The following GUCY2C variants were observed in gnomAD, a reference collection of about 807,000 sequenced individuals.
GUCY2C encodes guanylyl cyclase C.
A neutral mutation model predicts 131.1 loss-of-function variants in GUCY2C; 118 were observed. The ratio of observed to expected loss-of-function variants is 0.90; its 90% CI spans 0.78 to 1.05. GUCY2C has a LOEUF of 1.05. Among genes scored for constraint, GUCY2C ranks in the 50% least tolerant of loss-of-function variants. The pLI is 0.00. For synonymous variants in GUCY2C, 452 were observed against 457.8 expected (o/e 0.99, Z 0.16); for missense variants, 1,161 against 1,304.4 (o/e 0.89, Z 1.69).
At chr12:14,614,697 C>T in intron 26 of GUCY2C, 170 bp downstream of exon 26, 1 of 552,782 alleles carries the variant, frequency 1.8e-6, no homozygotes, top group Non-Finnish European at 3.1e-6. Flanking sequence ...TCAGGATAAT[C>T]CCCTTCTTGC....
intron 20 of GUCY2C, among the ~76,000 whole-genome samples, chr12:14,626,347 A>G (rs1424539196): frequency 6.6e-6 from 1 of 152,118 alleles, no homozygotes; most frequent in Admixed American, 6.6e-5. Context: ...AAAAAGCCCA[A>G]CTTAACCTCA....
At chr12:14,637,314 C>CATGCTCAT (rs1326566405) in intron 19 of GUCY2C, among the ~76,000 whole-genome samples, 2 of 151,946 alleles carry the variant, frequency 1.3e-5, no homozygotes, top group African/African-American at 2.4e-5. Context: ...AATGATATCC[C>CATGCTCAT]ATGCTCATGG....
rs1024626855 is a variant in GUCY2C at position 14,645,465 on chromosome 12, T to C, written c.1711-150A>G. ...CATTGTCTGGGATTTCATGAACCTG[T>C]GTTTTTTCCTTTTCTGCATAAGAAG... On this transcript the variant is annotated intron_variant, in intron 15 of 26. Transcript: ENST00000261170. The C allele has an allele frequency of 5.2e-6, 3 of 573,706 alleles. No homozygotes were observed. In the African/African-American group the frequency reaches 5.7e-5, roughly 11 times the overall value. 35.5% of individuals were successfully genotyped at this position (573,706 alleles called of 1,614,324 possible).
intron 15 of GUCY2C, among the ~76,000 whole-genome samples, chr12:14,649,701 G>T (rs1477347127): frequency 6.6e-6 from 1 of 152,112 alleles, no homozygotes; most frequent in African/African-American, 2.4e-5. Flanking sequence ...AATTGATACT[G>T]ATAAAATAAA....
At chr12:14,615,626 GTGAT>G (rs1946745417) in intron 25 of GUCY2C, among the ~76,000 whole-genome samples, 3 of 145,784 alleles carry the variant, frequency 2.1e-5, no homozygotes, top group East Asian at 1.9e-4. Flanking sequence ...TTAAAAATGA[GTGAT>G]TGATATATAT....
intron 13 of GUCY2C, among the ~76,000 whole-genome samples, chr12:14,652,434 C>T (rs1466286257): frequency 6.6e-6 from 1 of 152,162 alleles, no homozygotes; most frequent in East Asian, 1.9e-4. Context: ...CTCAGCCTCC[C>T]AAAGTCCTGG....
chr12:14,689,784 A>G (rs1409471051), intron 1 of GUCY2C, among the ~76,000 whole-genome samples: 1 of 152,166 alleles, frequency 6.6e-6, no homozygotes, highest in Non-Finnish European at 1.5e-5. Flanking sequence ...GTTTGTTCTC[A>G]ATGAATCTTG....
chr12:14,632,925 C>A (rs1055805681), intron 19 of GUCY2C, among the ~76,000 whole-genome samples: 1 of 152,218 alleles, frequency 6.6e-6, no homozygotes, highest in Non-Finnish European at 1.5e-5. Flanking sequence ...GACCTGCAGA[C>A]TGGCCTGCCC....
intron 3 of GUCY2C, among the ~76,000 whole-genome samples, chr12:14,684,293 T>A (rs1009269925): frequency 1.6e-4 from 25 of 152,110 alleles, no homozygotes; most frequent in African/African-American, 5.6e-4. Context: ...TAATACAGAG[T>A]TCTTCATTTC....
intron 11 of GUCY2C, among the ~76,000 whole-genome samples, chr12:14,658,120 A>C (rs1947797762): frequency 6.6e-6 from 1 of 152,160 alleles, no homozygotes; most frequent in Non-Finnish European, 1.5e-5. Context: ...ATTATATAGA[A>C]TTATGTATTT....
intron 1 of GUCY2C, among the ~76,000 whole-genome samples, chr12:14,695,730 T>C (rs1056414821): frequency 7.9e-5 from 12 of 152,136 alleles, no homozygotes; most frequent in Non-Finnish European, 1.6e-4. Context: ...TTAGTATCCC[T>C]GTGAAATCTT....
intron 3 of GUCY2C, 138 bp downstream of exon 3, chr12:14,686,023 G>T: frequency 3.3e-6 from 2 of 609,708 alleles, no homozygotes; most frequent in Non-Finnish European, 5.9e-6. Flanking sequence ...CTGGATAAGA[G>T]AATGACAGTT....
chr12:14,613,183 G>T lies in GUCY2C; in HGVS notation c.3156C>A (p.Ser1052Arg). The T allele has an allele frequency of 6.2e-7, 1 of 1,613,420 alleles. No individual in the cohort carries two copies. The highest frequency in any genetic ancestry group is 8.5e-7 in the Non-Finnish European group (1 of 1,179,516). The change falls in exon 27 of 27, where the codon AGC (serine) becomes AGA (arginine). Residue 1052 changes from serine (S) to arginine (R), a missense_variant. Transcript: ENST00000261170. The surrounding 1 kb of genome is among the most constrained non-coding windows in gnomAD (Gnocchi z 4.9). The stretch of plus-strand genomic sequence containing the variant: ...AGTATTCCAGAGTGCCTTTTTTATA[G>T]CTGGCTACCCGTCTGGGTTTTTGGC... ...IRSQKPRRVASYKKGTLEYLQ... is the reference protein window; with the variant it reads ...IRSQKPRRVARYKKGTLEYLQ...
chr12:14,695,413 GT>G (rs963893627), intron 1 of GUCY2C, among the ~76,000 whole-genome samples: 1 of 151,976 alleles, frequency 6.6e-6, no homozygotes, highest in Non-Finnish European at 1.5e-5. Context: ...AATGTAAAGA[GT>G]GAACAGACCA....
At chr12:14,668,600 G>C (rs546849625) in intron 10 of GUCY2C, among the ~76,000 whole-genome samples, 2 of 150,874 alleles carry the variant, frequency 1.3e-5, no homozygotes, top group African/African-American at 4.9e-5. Context: ...CACCACGCTT[G>C]GCTCTAAATA....
intron 19 of GUCY2C, among the ~76,000 whole-genome samples, chr12:14,630,191 A>C (rs1321095118): frequency 1.3e-5 from 2 of 151,882 alleles, no homozygotes; most frequent in South Asian, 2.1e-4. Context: ...CATAAGTGAT[A>C]CTAGATGCAA....
chr12:14,683,741 T>C (rs1948401290), intron 3 of GUCY2C, among the ~76,000 whole-genome samples: 2 of 152,228 alleles, frequency 1.3e-5, no homozygotes, highest in Admixed American at 6.5e-5. Context: ...AGCATCCCCT[T>C]ACATCTTCAG....
intron 11 of GUCY2C, 119 bp downstream of exon 11, chr12:14,660,862 A>G: frequency 1.4e-6 from 1 of 702,928 alleles, no homozygotes; most frequent in East Asian, 2.5e-5. Flanking sequence ...TCATTATCTT[A>G]GGTCAGTCTG....
chr12:14,626,984 C>T (rs1183867233), intron 20 of GUCY2C, among the ~76,000 whole-genome samples: 1 of 152,104 alleles, frequency 6.6e-6, no homozygotes, highest in Non-Finnish European at 1.5e-5. Context: ...TAAATTATCT[C>T]CTCATTACAG....
Sources: allele counts gnomAD v4.1 joint callset (sites outside exome capture counted in the v4.1 genomes callset), GRCh38; gene constraint gnomAD v4.1.1; non-coding constraint Gnocchi (gnomAD v3.1); transcripts MANE v1.5; gene names NCBI Gene and HGNC (gene_info 2026-07-23, HGNC 2026-07-21).